The following PCDHA1 variants were observed in gnomAD, a reference collection of about 807,000 sequenced individuals.
PCDHA1 encodes protocadherin alpha-1.
PCDHA1 carries 42 observed loss-of-function variants against 61.3 expected under a neutral mutation model. The observed-to-expected ratio is 0.69, with a 90% CI of 0.54 to 0.89. The LOEUF is 0.89. Ranked by LOEUF, PCDHA1 falls within the 40% of genes least tolerant of loss-of-function variation. The probability of loss-of-function intolerance (pLI) is 0.00; values close to 1 mark genes in which losing one functional copy is unlikely to be tolerated. For missense variants in PCDHA1, 1,256 were observed against 1,235.3 expected (o/e 1.02, Z -0.25); for synonymous variants, 610 against 553.8 (o/e 1.10, Z -1.43).
At chr5:140,914,923 T>C (rs2076880546) in intron 1 of PCDHA1, among the ~76,000 whole-genome samples, 1 of 151,134 alleles carries the variant, frequency 6.6e-6, no homozygotes, top group Admixed American at 6.6e-5. Context: ...TGTCTTATTG[T>C]ACTATGTTGT....
intron 1 of PCDHA1, among the ~76,000 whole-genome samples, chr5:140,943,274 A>G (rs1179008027): frequency 6.4e-5 from 9 of 141,284 alleles, no homozygotes; most frequent in Non-Finnish European, 1.0e-4. Flanking sequence ...AAAAAAAAAA[A>G]AAAGAAAGAA....
At chr5:140,797,371 C>T in intron 1 of PCDHA1, 1 of 1,605,614 alleles carries the variant, frequency 6.2e-7, no homozygotes, top group South Asian at 1.1e-5. Context: ...TTTACTTTTT[C>T]TTGCCAATTC....
At chr5:140,879,653 AACAAACGAAC>A (rs1168940497) in intron 1 of PCDHA1, among the ~76,000 whole-genome samples, 1 of 152,232 alleles carries the variant, frequency 6.6e-6, no homozygotes, top group African/African-American at 2.4e-5. Flanking sequence ...TGGCTGCTAT[AACAAACGAAC>A]ACAAACTGGG....
rs1445840756 is a variant in PCDHA1, at chr5:140,807,001, T to C, written c.2394+18317T>C. 1.8e-5 allele frequency: 13 copies of C among 728,926 alleles called. No homozygotes were observed. The African/African-American group carries it at 2.3e-4, about 13-fold the overall frequency. 45.2% of individuals were successfully genotyped at this position (728,926 alleles called of 1,614,324 possible). A position where few individuals can be genotyped will look rare whatever the true frequency, so the allele number is the denominator to read the frequency against. ...GTTTGGAGCCACATGATGTCGCTCT[T>C]TACCACAAAATACATGAGAGAAGGA... On this transcript the variant is annotated intron_variant, in intron 1 of 3. Coordinates refer to ENST00000504120, the MANE Select transcript of PCDHA1 (RefSeq NM_018900.4).
intron 1 of PCDHA1, among the ~76,000 whole-genome samples, chr5:140,959,555 T>A (rs538493851): frequency 1.3e-5 from 2 of 152,118 alleles, no homozygotes; most frequent in African/African-American, 4.8e-5. Flanking sequence ...ATAAATAGAA[T>A]CAGTACTAGA....
At chr5:140,908,911 T>C (rs535661545) in intron 1 of PCDHA1, among the ~76,000 whole-genome samples, 1 of 152,300 alleles carries the variant, frequency 6.6e-6, no homozygotes, top group South Asian at 2.1e-4. Flanking sequence ...TTCGTGGTTG[T>C]AGGAGGGGCC....
chr5:140,876,644 C>T, intron 1 of PCDHA1: 2 of 1,614,200 alleles, frequency 1.2e-6, no homozygotes, highest in South Asian at 1.1e-5. Context: ...TCACTGACAC[C>T]TCATGTTCCC....
intron 1 of PCDHA1, chr5:140,869,588 T>C (rs1404476349): frequency 3.7e-6 from 6 of 1,614,114 alleles, no homozygotes; most frequent in East Asian, 2.2e-5. Context: ...GATGCTGACA[T>C]TGAAGAGAAT....
chr5:140,928,597 A>G (rs1554206042), intron 1 of PCDHA1: 1 of 1,614,226 alleles, frequency 6.2e-7, no homozygotes, highest in East Asian at 2.2e-5. Context: ...CCCAGTGGAA[A>G]TTGTGCCCCG....
chr5:140,802,724 G>T (rs1305715476), intron 1 of PCDHA1: 9 of 1,612,466 alleles, frequency 5.6e-6, no homozygotes, highest in Non-Finnish European at 7.6e-6. Context: ...GCTACGTGTC[G>T]GTACACGCGG....
At chr5:140,959,494 T>G (rs2153722388) in intron 1 of PCDHA1, among the ~76,000 whole-genome samples, 1 of 152,286 alleles carries the variant, frequency 6.6e-6, no homozygotes, top group South Asian at 2.1e-4. Flanking sequence ...TATATATGGA[T>G]CAAACTAAAA....
chr5:141,002,271 T>C (rs942626808), intron 3 of PCDHA1, among the ~76,000 whole-genome samples: 3 of 152,220 alleles, frequency 2.0e-5, no homozygotes, highest in African/African-American at 7.2e-5. Context: ...CCAGAGCTGG[T>C]AACAAAGGGA....
chr5:140,912,222 C>G (rs782160814), intron 1 of PCDHA1, among the ~76,000 whole-genome samples: 2 of 151,926 alleles, frequency 1.3e-5, no homozygotes, highest in Non-Finnish European at 2.9e-5. Flanking sequence ...CTGCCTTTCC[C>G]AGTCCACTGA....
chr5:140,926,811 C>T, intron 1 of PCDHA1: 3 of 1,464,260 alleles, frequency 2.0e-6, no homozygotes, highest in Admixed American at 5.2e-5. Flanking sequence ...CCCCGCGGCT[C>T]GTGCTCTCCA....
At chr5:140,895,666 T>A (rs538311323) in intron 1 of PCDHA1, among the ~76,000 whole-genome samples, 24 of 152,288 alleles carry the variant, frequency 1.6e-4, no homozygotes, top group African/African-American at 5.8e-4. Context: ...AGTGAGAACA[T>A]GTAGTATTTG....
intron 1 of PCDHA1, among the ~76,000 whole-genome samples, chr5:140,953,061 G>A (rs919542084): frequency 2.0e-5 from 3 of 152,064 alleles, no homozygotes; most frequent in African/African-American, 7.2e-5. Flanking sequence ...CCTCTCACAG[G>A]CCCCATCTCC....
At chr5:140,966,695 CGGGCGTGGGGCACGGCT>C (rs2096039584) in intron 1 of PCDHA1, 1 of 1,358,374 alleles carries the variant, frequency 7.4e-7, no homozygotes. Flanking sequence ...AGGCGGGGCC[CGGGCGTGGGGCACGGCT>C]GGGGAAGCTG....
chr5:140,927,821 T>C (rs1554205108), intron 1 of PCDHA1: 1 of 1,614,118 alleles, frequency 6.2e-7, no homozygotes, highest in South Asian at 1.1e-5. Context: ...GAGGCATACA[T>C]TGAGGCGAGG....
At chr5:140,883,030 C>T (rs1554176556) in intron 1 of PCDHA1, 1 of 1,614,058 alleles carries the variant, frequency 6.2e-7, no homozygotes, top group Non-Finnish European at 8.5e-7. Context: ...TGTTAGAGAA[C>T]GCCTTCAATG....
Sources: allele counts gnomAD v4.1 joint callset (sites outside exome capture counted in the v4.1 genomes callset), GRCh38; gene constraint gnomAD v4.1.1; transcripts MANE v1.5; gene names NCBI Gene and HGNC (gene_info 2026-07-23, HGNC 2026-07-21).